LNX1: variants seen among roughly 807,000 people sequenced by gnomAD.
LNX1 encodes E3 ubiquitin-protein ligase LNX.
In LNX1, 54 loss-of-function variants were observed where a neutral mutation model predicts 68.4. The observed-to-expected ratio is 0.79, with a 90% confidence interval of 0.63 to 0.99. The LOEUF is 0.99. Ranked by LOEUF, LNX1 falls within the 50% of genes least tolerant of loss-of-function variation. The pLI, the probability that LNX1 is intolerant of heterozygous loss-of-function variation, is 0.00. For missense variants in LNX1, 906 were observed against 926.4 expected (o/e 0.98, Z 0.29); for synonymous variants, 336 against 350.0 (o/e 0.96, Z 0.45).
At chr4:53,540,275 CG>C (rs1332714517) in intron 2 of LNX1, among the ~76,000 whole-genome samples, 2 of 151,986 alleles carry the variant, frequency 1.3e-5, no homozygotes, top group African/African-American at 2.4e-5. Context: ...CCCAGCCACT[CG>C]GGGGGCTTAG....
At chr4:53,539,138 C>T (rs547514190) in intron 2 of LNX1, 38 of 152,236 alleles carry the variant, frequency 2.5e-4, no homozygotes, top group African/African-American at 8.2e-4. Flanking sequence ...AATCACCCTG[C>T]TACAATAAAA....
At chr4:53,514,804 C>T (rs1459231350) in intron 2 of LNX1, among the ~76,000 whole-genome samples, 2 of 152,196 alleles carry the variant, frequency 1.3e-5, no homozygotes, top group Non-Finnish European at 2.9e-5. Flanking sequence ...CATCTCTGTA[C>T]TCAGACTTTT....
At chr4:53,518,081 C>A (rs2109561102) in intron 2 of LNX1, among the ~76,000 whole-genome samples, 1 of 152,262 alleles carries the variant, frequency 6.6e-6, no homozygotes, top group African/African-American at 2.4e-5. Flanking sequence ...AGGAAAAATT[C>A]AAAACAAGCT....
chr4:53,509,273 T>A (rs1255023469), intron 2 of LNX1, among the ~76,000 whole-genome samples: 1 of 152,240 alleles, frequency 6.6e-6, no homozygotes, highest in East Asian at 1.9e-4. Flanking sequence ...ATATAATGGA[T>A]GTGTTAATTA....
chr4:53,482,018 A>T (rs1723950714), intron 6 of LNX1, among the ~76,000 whole-genome samples, 164 bp from the exon 7 acceptor site: 1 of 152,236 alleles, frequency 6.6e-6, no homozygotes, highest in African/African-American at 2.4e-5. Flanking sequence ...TAATTTGCCA[A>T]GAGCATGAGA....
intron 2 of LNX1, chr4:53,604,125 T>A (rs575525445): frequency 6.6e-6 from 1 of 152,012 alleles, no homozygotes; most frequent in East Asian, 1.9e-4. Context: ...GGATGGAGGG[T>A]GATTTAATCA....
chr4:53,594,823 C>T (rs1363294088), upstream of LNX1, among the ~76,000 whole-genome samples: 1 of 152,006 alleles, frequency 6.6e-6, no homozygotes, highest in Non-Finnish European at 1.5e-5. Flanking sequence ...GTGATCCTCC[C>T]ACCTCAGCCT....
Position 53,623,991 on chromosome 4 carries a change from G to C in LNX1, c.-215+28177C>G, listed in dbSNP as rs577441397. On this transcript the variant is annotated intron_variant, in intron 1 of 2. Transcript: ENST00000507168. ...GTAGTTATTCCTCAAAAGAATATAGGTTTTTGTGATGCTGGGTTTTCATGT... is the reference window on the plus strand; with the variant it reads ...GTAGTTATTCCTCAAAAGAATATAGCTTTTTGTGATGCTGGGTTTTCATGT... Among the ~76,000 whole-genome samples, 402 of 152,208 alleles carry C rather than the reference G, an allele frequency of 2.6e-3. 3 individuals are homozygous for C. The highest frequency in any genetic ancestry group is 9.2e-3 in the African/African-American group (384 of 41,526).
intron 1 of LNX1, among the ~76,000 whole-genome samples, chr4:53,581,600 G>A (rs1198358571): frequency 6.6e-6 from 1 of 152,158 alleles, no homozygotes; most frequent in Admixed American, 6.5e-5. Context: ...TAACATGGTG[G>A]CAGGCGAGAG....
chr4:53,487,598 G>A (rs1208002902), intron 6 of LNX1, among the ~76,000 whole-genome samples: 13 of 152,106 alleles, frequency 8.5e-5, no homozygotes, highest in Non-Finnish European at 1.6e-4. Flanking sequence ...CATCAGGACC[G>A]TGTTGTTCAA....
At chr4:53,463,589 A>ATGT (rs1216114252) in intron 9 of LNX1, among the ~76,000 whole-genome samples, 2 of 151,926 alleles carry the variant, frequency 1.3e-5, no homozygotes, top group South Asian at 2.1e-4. Flanking sequence ...TTGAATGTGA[A>ATGT]TGTTGGCTTT....
intron 1 of LNX1, chr4:53,652,039 G>GAGAT (rs1735123385): frequency 5.3e-5 from 8 of 151,620 alleles, no homozygotes; most frequent in African/African-American, 1.9e-4. Flanking sequence ...GAGAGAGAGA[G>GAGAT]AGAGAGAGAG....
intron 9 of LNX1, among the ~76,000 whole-genome samples, chr4:53,472,036 A>G (rs1026806881): frequency 2.0e-5 from 3 of 152,222 alleles, no homozygotes; most frequent in Non-Finnish European, 1.5e-5. Flanking sequence ...ACACATGCAC[A>G]CTTATGTTTA....
intron 1 of LNX1, among the ~76,000 whole-genome samples, chr4:53,636,776 C>T (rs1175766749): frequency 1.3e-5 from 2 of 152,096 alleles, no homozygotes; most frequent in Non-Finnish European, 2.9e-5. Context: ...TGATTCCATC[C>T]TATGTCCATA....
chr4:53,578,390 T>A (rs997069399), intron 1 of LNX1, among the ~76,000 whole-genome samples: 1 of 152,180 alleles, frequency 6.6e-6, no homozygotes, highest in Non-Finnish European at 1.5e-5. Context: ...AGTCTATGGC[T>A]CTTACGCTGC....
chr4:53,470,641 G>T (rs183121468), intron 9 of LNX1, among the ~76,000 whole-genome samples: 1 of 152,238 alleles, frequency 6.6e-6, no homozygotes, highest in Admixed American at 6.5e-5. Context: ...CTTCAGCAAA[G>T]TCTCAGGATA....
intron 2 of LNX1, among the ~76,000 whole-genome samples, chr4:53,521,111 G>T (rs543248683): frequency 4.6e-5 from 7 of 152,274 alleles, no homozygotes; most frequent in Non-Finnish European, 5.9e-5. Flanking sequence ...TAGAATAACT[G>T]GAAAGGGTGG....
upstream of LNX1, among the ~76,000 whole-genome samples, chr4:53,594,725 T>G (rs569870571): frequency 6.6e-6 from 1 of 152,214 alleles, no homozygotes; most frequent in Non-Finnish European, 1.5e-5. Flanking sequence ...TTAATTTTTT[T>G]TTTTAGAGAC....
rs555414169 is a variant in LNX1, at chr4:53,566,606, C to A, written c.380+7017G>T. On this transcript the variant is annotated intron_variant, in intron 2 of 10. Coordinates refer to ENST00000263925, the MANE Select transcript of LNX1 (RefSeq NM_001126328.3). Reference sequence around the variant, plus strand: ...CTGCATCAACTAACGAGCAAAATAACCAGCTAACATCATAATGACAGGATC... The same window carrying A: ...CTGCATCAACTAACGAGCAAAATAAACAGCTAACATCATAATGACAGGATC... Among the ~76,000 whole-genome samples the A allele has an allele frequency of 8.0e-3, 1,200 of 150,778 alleles. 5 individuals are homozygous for A. Among genetic ancestry groups the A allele is most frequent in the Non-Finnish European group, 0.012 (793 of 67,704 alleles).
Sources: allele counts gnomAD v4.1 joint callset (sites outside exome capture counted in the v4.1 genomes callset), GRCh38; gene constraint gnomAD v4.1.1; transcripts MANE v1.5; gene names NCBI Gene and HGNC (gene_info 2026-07-23, HGNC 2026-07-21).